GRID2: variants seen among roughly 807,000 people sequenced by gnomAD.
GRID2 encodes glutamate ionotropic receptor delta type subunit 2, also known as glutamate receptor ionotropic, delta-2.
A neutral mutation model predicts 114.8 loss-of-function variants in GRID2; 33 were observed. That is an observed-to-expected ratio of 0.29 (90% confidence interval 0.22 to 0.38). The LOEUF (loss-of-function observed/expected upper bound fraction) is 0.38, where lower values mean the gene tolerates loss of function less well. Among genes scored for constraint, GRID2 ranks in the 10% least tolerant of loss-of-function variants. The pLI is 1.00. For synonymous variants in GRID2, 505 were observed against 449.9 expected, an observed-to-expected ratio of 1.12 and a Z score of -1.55; for missense variants, 1,184 against 1,257.7, an observed-to-expected ratio of 0.94 and a Z score of 0.89.
chr4:92,581,019 T>A (rs1391244391), intron 1 of GRID2, among the ~76,000 whole-genome samples: 5 of 151,856 alleles, frequency 3.3e-5, no homozygotes, highest in African/African-American at 1.2e-4. Context: ...AATAATAGGA[T>A]ATTGTTTCAA....
At chr4:93,219,899 G>T (rs1744676408) in intron 6 of GRID2, among the ~76,000 whole-genome samples, 1 of 152,102 alleles carries the variant, frequency 6.6e-6, no homozygotes, top group African/African-American at 2.4e-5. Flanking sequence ...ATATTCCACT[G>T]GTTCAGAAGG....
intron 2 of GRID2, among the ~76,000 whole-genome samples, chr4:92,839,985 T>C (rs1021687601): frequency 1.3e-5 from 2 of 152,058 alleles, no homozygotes; most frequent in African/African-American, 2.4e-5. Flanking sequence ...ATTTCTGTTA[T>C]ATATCTGGGC....
chr4:93,238,816 G>C lies in GRID2; in HGVS notation c.1245+326G>C, dbSNP rs940916891. 5.0e-4 allele frequency among the ~76,000 whole-genome samples: 76 copies of C among 151,524 alleles called. 1 individual carries two copies. Among genetic ancestry groups the C allele is most frequent in the African/African-American group, 1.8e-3 (76 of 41,428 alleles). ...ATATTTATACACTTTGTAGCTGCTT[G>C]GTTTTTAACTTGTAACATGTACAAA... On this transcript the variant is annotated intron_variant, in intron 8 of 15. Transcript: ENST00000282020.
At chr4:92,760,579 A>G (rs1352329055) in intron 2 of GRID2, among the ~76,000 whole-genome samples, 1 of 152,080 alleles carries the variant, frequency 6.6e-6, no homozygotes, top group Admixed American at 6.6e-5. Context: ...TCACAGCCTA[A>G]TCTATAGCTC....
rs531529842 is a variant in GRID2, at chr4:92,910,817, T to A, written c.245-174178T>A. Among the ~76,000 whole-genome samples, 5 of 152,244 alleles carry A rather than the reference T, an allele frequency of 3.3e-5. 1 individual carries two copies. Among genetic ancestry groups the A allele is most frequent in the Non-Finnish European group, 7.4e-5 (5 of 67,998 alleles). On this transcript the variant is annotated intron_variant, in intron 2 of 15. Coordinates refer to ENST00000282020, the MANE Select transcript of GRID2 (RefSeq NM_001510.4). ...CTCACTTATAATACTTAATACAATG[T>A]TGGTGTCATGTGAATAGTTGTCATA...
chr4:93,731,459 C>T (rs1730477987), intron 14 of GRID2, among the ~76,000 whole-genome samples: 1 of 152,202 alleles, frequency 6.6e-6, no homozygotes, highest in South Asian at 2.1e-4. Flanking sequence ...GATGAAGATA[C>T]ATGAGACTGT....
chr4:93,011,721 G>A (rs575545284), intron 2 of GRID2, among the ~76,000 whole-genome samples: 5 of 152,120 alleles, frequency 3.3e-5, no homozygotes, highest in Admixed American at 2.6e-4. Flanking sequence ...CAAGAAAACG[G>A]AACACAATAG....
chr4:92,586,599 T>C (rs1305124670), intron 1 of GRID2, among the ~76,000 whole-genome samples: 2 of 152,008 alleles, frequency 1.3e-5, no homozygotes, highest in Admixed American at 6.6e-5. Flanking sequence ...TCAAAGGGCA[T>C]ACCTGCATTA....
chr4:93,074,442 G>T (rs1729082908), intron 2 of GRID2, among the ~76,000 whole-genome samples: 1 of 152,134 alleles, frequency 6.6e-6, no homozygotes, highest in Admixed American at 6.5e-5. Context: ...AGCAGGAAAG[G>T]TGAATATAAC....
chr4:93,448,874 T>C (rs1169642338), intron 10 of GRID2, among the ~76,000 whole-genome samples: 1 of 22,224 alleles, frequency 4.5e-5, no homozygotes, highest in Non-Finnish European at 6.8e-5. Flanking sequence ...TCCCTTCCCC[T>C]TCCCTTCCCC....
chr4:92,967,725 G>A (rs1753249935), intron 2 of GRID2, among the ~76,000 whole-genome samples: 1 of 151,844 alleles, frequency 6.6e-6, no homozygotes, highest in African/African-American at 2.4e-5. Context: ...AATTATCTTT[G>A]TTGAGTTCAG....
intron 8 of GRID2, among the ~76,000 whole-genome samples, chr4:93,277,356 C>G (rs1221217890): frequency 6.6e-6 from 1 of 151,884 alleles, no homozygotes; most frequent in Non-Finnish European, 1.5e-5. Context: ...AGTTCGCATA[C>G]TTTATCTTTC....
intron 2 of GRID2, among the ~76,000 whole-genome samples, chr4:92,965,069 G>T (rs1753049569): frequency 6.6e-6 from 1 of 151,858 alleles, no homozygotes; most frequent in Non-Finnish European, 1.5e-5. Flanking sequence ...AGTGAGAGAG[G>T]TGGGACGCTT....
At chr4:93,370,325 G>C (rs1188996149) in intron 8 of GRID2, among the ~76,000 whole-genome samples, 1 of 151,718 alleles carries the variant, frequency 6.6e-6, no homozygotes, top group Admixed American at 6.6e-5. Flanking sequence ...CTTGTCTGCA[G>C]ATTTATCACT....
chr4:92,813,146 G>T (rs1180808232), intron 2 of GRID2, among the ~76,000 whole-genome samples: 1 of 152,052 alleles, frequency 6.6e-6, no homozygotes, highest in Non-Finnish European at 1.5e-5. Context: ...GGACTGTGAA[G>T]GAAATTATGA....
At chr4:93,459,236 G>A (rs958373904) in intron 11 of GRID2, among the ~76,000 whole-genome samples, 7 of 149,830 alleles carry the variant, frequency 4.7e-5, no homozygotes, top group Non-Finnish European at 1.0e-4. Flanking sequence ...GAGTAGTAGA[G>A]GTCTCAATAA....
At chr4:92,317,262 T>G (rs925154064) in intron 1 of GRID2, among the ~76,000 whole-genome samples, 5 of 152,236 alleles carry the variant, frequency 3.3e-5, no homozygotes, top group Non-Finnish European at 7.3e-5. Context: ...TTATGACATT[T>G]GACATTTATG....
At chr4:92,673,847 GA>G (rs1031776455) in intron 2 of GRID2, among the ~76,000 whole-genome samples, 1 of 151,950 alleles carries the variant, frequency 6.6e-6, no homozygotes, top group Non-Finnish European at 1.5e-5. Context: ...AGGGGGGAGG[GA>G]TAGCATTAGG....
intron 2 of GRID2, among the ~76,000 whole-genome samples, chr4:92,964,717 G>A (rs750100501): frequency 6.6e-6 from 1 of 151,820 alleles, no homozygotes; most frequent in Non-Finnish European, 1.5e-5. Flanking sequence ...ACCTCTGCTG[G>A]CTTCTATTTT....
Sources: gnomAD v4.1 joint callset for allele counts (sites outside exome capture counted in the v4.1 genomes callset) on GRCh38, gnomAD v4.1.1 for gene constraint, MANE v1.5 for transcripts, NCBI Gene and HGNC (gene_info 2026-07-23, HGNC 2026-07-21) for gene names.